PTPRD: variants seen among roughly 807,000 people sequenced by gnomAD.
PTPRD encodes the protein protein tyrosine phosphatase receptor type D.
In PTPRD, 34 loss-of-function variants were observed where a neutral mutation model predicts 214.5. The ratio of observed to expected loss-of-function variants is 0.16; its 90% CI spans 0.12 to 0.21. PTPRD has a LOEUF of 0.21. Ranked by LOEUF, PTPRD falls within the 10% of genes least tolerant of loss-of-function variation. The pLI is 1.00. For synonymous variants in PTPRD, 1,128 were observed against 845.7 expected (o/e 1.33, Z -5.79); for missense variants, 2,545 against 2,398.7 (o/e 1.06, Z -1.27).
chr9:9,235,313 T>A (rs773351142), intron 9 of PTPRD, among the ~76,000 whole-genome samples: 11 of 152,136 alleles, frequency 7.2e-5, no homozygotes, highest in South Asian at 2.1e-4. Context: ...GAACTACGAT[T>A]CAAGATGAGA....
chr9:8,373,005 A>G (rs2082017700), intron 39 of PTPRD, among the ~76,000 whole-genome samples: 1 of 151,998 alleles, frequency 6.6e-6, no homozygotes, highest in East Asian at 1.9e-4. Context: ...AGAAATCACA[A>G]CACAAAATAC....
At chr9:8,402,217 C>T (rs989541894) in intron 36 of PTPRD, among the ~76,000 whole-genome samples, 1 of 152,162 alleles carries the variant, frequency 6.6e-6, no homozygotes, top group Non-Finnish European at 1.5e-5. Context: ...GTTAGGTCAG[C>T]TCTAGATTTA....
At chr9:9,617,944 C>T (rs1331099141) in intron 7 of PTPRD, among the ~76,000 whole-genome samples, 1 of 150,960 alleles carries the variant, frequency 6.6e-6, no homozygotes, top group African/African-American at 2.4e-5. Flanking sequence ...TGGTGGCGGG[C>T]GCCTGCGGTC....
At chr9:8,952,282 A>T (rs750155623) in intron 11 of PTPRD, among the ~76,000 whole-genome samples, 41 of 151,980 alleles carry the variant, frequency 2.7e-4, no homozygotes, top group Non-Finnish European at 5.2e-4. Flanking sequence ...TACATGTCAA[A>T]TCTCATGGAC....
intron 10 of PTPRD, among the ~76,000 whole-genome samples, chr9:9,158,215 G>C (rs1311411392): frequency 6.6e-6 from 1 of 152,050 alleles, no homozygotes; most frequent in African/African-American, 2.4e-5. Context: ...TATATTCCTG[G>C]CTATGTGGCT....
chr9:8,416,899 A>G (rs1564655499), intron 35 of PTPRD, among the ~76,000 whole-genome samples: 3 of 152,042 alleles, frequency 2.0e-5, no homozygotes, highest in Non-Finnish European at 2.9e-5. Flanking sequence ...ACTTTCCATG[A>G]GTCACTCTTG....
chr9:9,028,598 T>C (rs916521065), intron 10 of PTPRD, among the ~76,000 whole-genome samples: 1 of 152,010 alleles, frequency 6.6e-6, no homozygotes, highest in Non-Finnish European at 1.5e-5. Context: ...ATTTTCTCAT[T>C]ACTCCATCAA....
intron 7 of PTPRD, among the ~76,000 whole-genome samples, chr9:9,659,749 C>G (rs2096587607): frequency 6.6e-6 from 1 of 152,062 alleles, no homozygotes; most frequent in Non-Finnish European, 1.5e-5. Flanking sequence ...AAAGGTGATT[C>G]AATCTCATCA....
intron 26 of PTPRD, among the ~76,000 whole-genome samples, chr9:8,493,609 T>C (rs2097194272): frequency 1.3e-5 from 2 of 152,208 alleles, no homozygotes; most frequent in African/African-American, 2.4e-5. Flanking sequence ...ATCATTTTTA[T>C]TGGTTATTTG....
intron 2 of PTPRD, among the ~76,000 whole-genome samples, chr9:10,480,039 T>C (rs866352803): frequency 5.3e-5 from 8 of 152,290 alleles, no homozygotes; most frequent in Middle Eastern, 3.4e-3. Flanking sequence ...ATTGTTCTCA[T>C]CCTGGTGAAA....
intron 3 of PTPRD, among the ~76,000 whole-genome samples, chr9:10,265,729 C>G (rs546948418): frequency 6.6e-6 from 1 of 152,246 alleles, no homozygotes; most frequent in Admixed American, 6.5e-5. Context: ...TAGGCAGCAT[C>G]CGGACCTGAT....
At chr9:8,340,916 C>T (rs1199599091) in intron 41 of PTPRD, among the ~76,000 whole-genome samples, 174 bp downstream of exon 41, 2 of 152,084 alleles carry the variant, frequency 1.3e-5, no homozygotes, top group Non-Finnish European at 2.9e-5. Context: ...CACTTCATAA[C>T]TACTACTCCT....
intron 4 of PTPRD, among the ~76,000 whole-genome samples, chr9:9,954,669 T>C (rs187388753): frequency 6.6e-5 from 10 of 152,220 alleles, no homozygotes; most frequent in African/African-American, 1.9e-4. Context: ...AACATCCTTA[T>C]ACATATAAAA....
At chr9:9,515,797 T>A (rs2096823727) in intron 8 of PTPRD, among the ~76,000 whole-genome samples, 1 of 152,036 alleles carries the variant, frequency 6.6e-6, no homozygotes, top group African/African-American at 2.4e-5. Context: ...AAAGGTGACT[T>A]TTTTCCTTTC....
At chr9:8,663,775 G>C (rs1170473907) in intron 12 of PTPRD, among the ~76,000 whole-genome samples, 1 of 151,928 alleles carries the variant, frequency 6.6e-6, no homozygotes, top group Non-Finnish European at 1.5e-5. Context: ...ACAGGTGTGA[G>C]CCACTGTGCC....
chr9:9,786,322 A>C (rs770041033), intron 5 of PTPRD, among the ~76,000 whole-genome samples: 43 of 152,184 alleles, frequency 2.8e-4, no homozygotes, highest in Non-Finnish European at 4.4e-4. Context: ...TTATTGATAC[A>C]TTTGCATGCA....
chr9:8,729,315 A>C (rs1455693199), intron 12 of PTPRD, among the ~76,000 whole-genome samples: 1 of 152,138 alleles, frequency 6.6e-6, no homozygotes, highest in African/African-American at 2.4e-5. Flanking sequence ...TCTTCAATTT[A>C]ATGCCCGGAA....
At chr9:8,982,565 A>T (rs1309541714) in intron 11 of PTPRD, among the ~76,000 whole-genome samples, 5 of 151,588 alleles carry the variant, frequency 3.3e-5, no homozygotes, top group African/African-American at 1.2e-4. Context: ...GAGAATGAAA[A>T]TATGACCTAA....
intron 11 of PTPRD, among the ~76,000 whole-genome samples, chr9:8,790,530 G>T (rs2096187068): frequency 6.6e-6 from 1 of 151,840 alleles, no homozygotes; most frequent in African/African-American, 2.4e-5. Context: ...CAATTCTCCT[G>T]CCTCAGCCTC....
Sources: allele counts gnomAD v4.1 joint callset (sites outside exome capture counted in the v4.1 genomes callset), GRCh38; gene constraint gnomAD v4.1.1; transcripts MANE v1.5; gene names NCBI Gene and HGNC (gene_info 2026-07-23, HGNC 2026-07-21).